ULK1: variants seen among roughly 807,000 people sequenced by gnomAD.
ULK1 encodes the protein unc-51 like autophagy activating kinase 1.
Under a neutral mutation model 117.5 loss-of-function variants are expected in ULK1, and 48 were observed. The observed-to-expected ratio is 0.41, with a 90% CI of 0.32 to 0.52. The LOEUF is 0.52. Ranked by LOEUF, ULK1 falls within the 20% of genes least tolerant of loss-of-function variation. The pLI, the probability that ULK1 is intolerant of heterozygous loss-of-function variation, is 0.29. For missense variants in ULK1, 1,387 were observed against 1,473.4 expected, an observed-to-expected ratio of 0.94 and a Z score of 0.96; for synonymous variants, 790 against 637.8, an observed-to-expected ratio of 1.24 and a Z score of -3.60.
chr12:131,918,717 C>T (rs1002231273), intron 23 of ULK1, 36 bp downstream of exon 23: 12 of 1,062,972 alleles, frequency 1.1e-5, no homozygotes, highest in Non-Finnish European at 1.4e-5. Flanking sequence ...CCCATTCTGG[C>T]TGGAGGGTGT....
chr12:131,911,512 T>C (rs1430844716), intron 12 of ULK1, among the ~76,000 whole-genome samples: 1 of 152,230 alleles, frequency 6.6e-6, no homozygotes, highest in Non-Finnish European at 1.5e-5. Flanking sequence ...CCCTGGGCCT[T>C]AGCATGGTGC....
chr12:131,911,568 C>T (rs1156591902), intron 12 of ULK1, among the ~76,000 whole-genome samples: 1 of 152,198 alleles, frequency 6.6e-6, no homozygotes, highest in Non-Finnish European at 1.5e-5. Flanking sequence ...CTCCACTGGA[C>T]ACGCCTTCCA....
At chr12:131,904,152 CCTTT>C (rs1225479237) in intron 3 of ULK1, among the ~76,000 whole-genome samples, 1 of 151,970 alleles carries the variant, frequency 6.6e-6, no homozygotes, top group African/African-American at 2.4e-5. Context: ...TGGGCCTCTG[CCTTT>C]CTTCTTTTTG....
At chr12:131,913,151 T>C in intron 13 of ULK1, 47 bp from the exon 14 acceptor site, 1 of 1,515,914 alleles carries the variant, frequency 6.6e-7, no homozygotes. Context: ...GGGGTGGCCC[T>C]GGGCAGGCGG....
At chr12:131,913,673 C>G (rs1450915787) in intron 14 of ULK1, 74 bp from the exon 15 acceptor site, 6 of 1,187,440 alleles carry the variant, frequency 5.1e-6, no homozygotes, top group Non-Finnish European at 5.7e-6. Context: ...CCACTGCACT[C>G]CAGCCTGGGT....
At chr12:131,908,077 T>G (rs1003284985) in intron 5 of ULK1, among the ~76,000 whole-genome samples, 1 of 151,846 alleles carries the variant, frequency 6.6e-6, no homozygotes, top group Non-Finnish European at 1.5e-5. Context: ...TCCGGGGACT[T>G]GGGCCTGAGC....
chr12:131,897,379 C>T (rs535155835), intron 3 of ULK1: 8 of 152,304 alleles, frequency 5.3e-5, no homozygotes, highest in Admixed American at 5.2e-4. Flanking sequence ...GAGTCCTGCC[C>T]CCGATCGAGT....
chr12:131,907,371 G>A (rs930535357), intron 4 of ULK1, 124 bp from the exon 5 acceptor site: 2 of 1,237,600 alleles, frequency 1.6e-6, no homozygotes, highest in South Asian at 1.4e-5. Context: ...ACCTGCCCTG[G>A]GCTGGGCAGG....
At chr12:131,906,816 T>C (rs931767765) in intron 3 of ULK1, 76 bp from the exon 4 acceptor site, 5 of 1,596,976 alleles carry the variant, frequency 3.1e-6, no homozygotes, top group South Asian at 1.1e-5. Context: ...CCAGGCCGAA[T>C]TGGGGCTGAG....
rs754326037 is a variant in ULK1 at position 131,911,956 on chromosome 12, G to A, written c.963G>A (p.Met321Ile). The change falls in exon 13 of 28, where the codon ATG becomes ATA. Residue 321 changes from methionine (M) to isoleucine (I), a missense_variant. Met to Ile is a conservative substitution (Grantham distance 10). Coordinates refer to ENST00000321867, the MANE Select transcript of ULK1 (RefSeq NM_003565.4). ...TTGACTCTCAGTCCCTGGGCGAGAT[G>A]CAGCAGCTGCAGAAGACCCTGGCCT... is the stretch of plus-strand genomic sequence containing the variant. ...HLASPPSLGE[M>I]QQLQKTLASP... The A allele has an allele frequency of 3.7e-6, 6 of 1,612,738 alleles. No individual in the cohort carries two copies. The South Asian group carries it at 6.6e-5, about 18-fold the overall frequency.
At chr12:131,919,163 C>G (rs1890031973) in intron 23 of ULK1, 49 bp from the exon 24 acceptor site, 1 of 1,546,612 alleles carries the variant, frequency 6.5e-7, no homozygotes, top group East Asian at 2.3e-5. Flanking sequence ...GAGACAAGCC[C>G]CTTCCAAGCC....
At chr12:131,895,849 C>T (rs1888844338) in intron 3 of ULK1, 25 bp downstream of exon 3, 6 of 1,613,834 alleles carry the variant, frequency 3.7e-6, no homozygotes, top group Middle Eastern at 1.7e-4. Context: ...CTGCGGTCTG[C>T]TGGGGACCGG....
In ULK1 at chr12:131,917,416, T is replaced by C; in HGVS notation, c.2188T>C (p.Ser730Pro). The change falls in exon 22 of 28, where the codon TCA becomes CCA. Residue 730 changes from serine (S) to proline (P), a missense_variant. Physicochemically the swap from Ser to Pro is moderately conservative, Grantham distance 74. This residue lies in a region of ULK1 where 900 missense variants were observed against 858.9 expected (regional missense o/e 1.05). Transcript: ENST00000321867. ...LQEKPMEIAP[S>P]AGFGGSLHPG... ...GCCCTTCCTTGCTCTCCCAGCACCC[T>C]CAGCTGGCTTTGGAGGGAGCCTGCA... 2.0e-6 allele frequency: 3 copies of C among 1,523,094 alleles called. No individual in the cohort carries two copies. The highest frequency in any genetic ancestry group is 2.1e-5 in the Admixed American group (1 of 48,764). 94.3% of individuals were successfully genotyped at this position (1,523,094 alleles called of 1,614,324 possible). A position where few individuals can be genotyped will look rare whatever the true frequency, so the allele number is the denominator to read the frequency against.
At position 131,915,362 on chromosome 12, in the gene ULK1, G is replaced by C. The variant is rs1300567367; in HGVS notation, c.1550G>C (p.Trp517Ser). 6.2e-7 allele frequency: 1 copy of C among 1,612,710 alleles called. No individual in the cohort carries two copies. Among genetic ancestry groups the C allele is most frequent in the East Asian group, 2.2e-5 (1 of 44,902 alleles). ...GGAACCATCCCTGAGCGGCCAGGCT[G>C]GAGCGGGACGCCCTCCCCACAGGGA... ...QVGTIPERPG[W>S]SGTPSPQGAE... The change falls in exon 18 of 28, where the codon TGG (tryptophan) becomes TCG (serine). Residue 517 changes from tryptophan (W) to serine (S), a missense_variant. Trp to Ser is a radical substitution (Grantham distance 177). This residue lies in a region of ULK1 where 900 missense variants were observed against 858.9 expected (regional missense o/e 1.05). Coordinates refer to ENST00000321867, the MANE Select transcript of ULK1 (RefSeq NM_003565.4).
chr12:131,906,504 G>A (rs1434463730), intron 3 of ULK1: 1 of 228,558 alleles, frequency 4.4e-6, no homozygotes, highest in Admixed American at 5.3e-5. Context: ...TTACAGGTGT[G>A]AGCCACTGCG....
rs552864011 is a variant in ULK1, at chr12:131,901,146, G to A, written c.246+5322G>A. On this transcript the variant is annotated intron_variant, in intron 3 of 27. Transcript: ENST00000321867. ...GGCCGAGGTGGGCAGATCACCTGAG[G>A]TCAGGAGTTCGAGACCAGCCTGGCC... 3.3e-5 allele frequency among the ~76,000 whole-genome samples: 5 copies of A among 151,942 alleles called. No homozygotes were observed. In the South Asian group the frequency reaches 1.0e-3, roughly 32 times the overall value.
Position 131,908,652 on chromosome 12 carries a change from A to G in ULK1, c.325A>G (p.Thr109Ala). The G allele has an allele frequency of 6.5e-7, 1 of 1,534,372 alleles. No homozygotes were observed. The highest frequency in any genetic ancestry group is 8.7e-7 in the Non-Finnish European group (1 of 1,146,202). The change falls in exon 6 of 28, where the codon ACG (threonine) becomes GCG (alanine). Residue 109 changes from threonine (T) to alanine (A), a missense_variant. Physicochemically the swap from Thr to Ala is moderately conservative, Grantham distance 58. Transcript: ENST00000321867. ...GCCGCCTCTCCCCGCAGCCATGCGC[A>G]CGCTGAGCGAGGACACCATCAGGCT... ...DLADYLHAMR[T>A]LSEDTIRLFL...
intron 22 of ULK1, 144 bp from the exon 23 acceptor site, chr12:131,918,353 C>A: frequency 9.8e-7 from 1 of 1,019,542 alleles, no homozygotes; most frequent in Non-Finnish European, 1.4e-6. Flanking sequence ...TGCTGTGCTT[C>A]TCCTGTTGGA....
chr12:131,912,839 G>T (rs1889600302), intron 13 of ULK1, among the ~76,000 whole-genome samples: 1 of 152,140 alleles, frequency 6.6e-6, no homozygotes, highest in Non-Finnish European at 1.5e-5. Flanking sequence ...CCTGGAGGGG[G>T]TTGGGCCCAG....
Sources: gnomAD v4.1 joint callset for allele counts (sites outside exome capture counted in the v4.1 genomes callset) on GRCh38, gnomAD v4.1.1 for gene constraint, gnomAD v4.1.1 regional missense constraint, MANE v1.5 for transcripts, NCBI Gene and HGNC (gene_info 2026-07-23, HGNC 2026-07-21) for gene names.